The following GPR176 variants were observed in gnomAD, a reference collection of about 807,000 sequenced individuals.
GPR176 encodes the protein G-protein coupled receptor 176.
In GPR176, 26 loss-of-function variants were observed where a neutral mutation model predicts 35.4. That is an observed-to-expected ratio of 0.74 (90% CI 0.54 to 1.02). The LOEUF (loss-of-function observed/expected upper bound fraction) is 1.02, where lower values mean the gene tolerates loss of function less well. Ranked by LOEUF, GPR176 falls within the 50% of genes least tolerant of loss-of-function variation. The probability of loss-of-function intolerance (pLI) is 0.00; values close to 1 mark genes in which losing one functional copy is unlikely to be tolerated. For missense variants in GPR176, 597 were observed against 665.3 expected (o/e 0.90, Z 1.13); for synonymous variants, 278 against 271.3 (o/e 1.02, Z -0.24).
intron 1 of GPR176, among the ~76,000 whole-genome samples, chr15:39,914,147 A>T (rs2033661429): frequency 6.6e-6 from 1 of 152,186 alleles, no homozygotes; most frequent in Non-Finnish European, 1.5e-5. Context: ...AGCTTTTTTT[A>T]AATTTTCACC....
intron 1 of GPR176, among the ~76,000 whole-genome samples, chr15:39,823,791 G>A (rs1900436011): frequency 6.6e-6 from 1 of 152,188 alleles, no homozygotes; most frequent in African/African-American, 2.4e-5. Flanking sequence ...CCTTACAATA[G>A]ATGACAAGTC....
At chr15:39,914,515 A>G (rs1004815901) in intron 1 of GPR176, among the ~76,000 whole-genome samples, 3 of 151,974 alleles carry the variant, frequency 2.0e-5, no homozygotes, top group Non-Finnish European at 2.9e-5. Flanking sequence ...GGGTTTCACC[A>G]TGTTGGCCAG....
chr15:39,835,079 G>A (rs1022765281), intron 1 of GPR176, among the ~76,000 whole-genome samples: 2 of 152,002 alleles, frequency 1.3e-5, no homozygotes, highest in African/African-American at 4.8e-5. Flanking sequence ...GTGCAATGGT[G>A]CAATCTCAGC....
rs116299174 is a variant in GPR176 at position 39,887,440 on chromosome 15, C to T, written c.172+32415G>A. On this transcript the variant is annotated intron_variant, in intron 1 of 2. Transcript: ENST00000561100. ...CCACCACCCACATTTGCTGGAATGC[C>T]GCTGTGTAAAACAGCAGCATCATTC... 2.2e-3 allele frequency among the ~76,000 whole-genome samples: 342 copies of T among 152,198 alleles called. 3 individuals carry two copies. Among genetic ancestry groups the T allele is most frequent in the African/African-American group, 7.9e-3 (330 of 41,522 alleles).
intron 1 of GPR176, among the ~76,000 whole-genome samples, chr15:39,915,303 G>A (rs940082172): frequency 6.6e-6 from 1 of 152,094 alleles, no homozygotes; most frequent in African/African-American, 2.4e-5. Context: ...ATCCTCACAT[G>A]GTGCAAAGAA....
At chr15:39,853,199 A>G (rs1321041818) in intron 1 of GPR176, among the ~76,000 whole-genome samples, 6 of 152,194 alleles carry the variant, frequency 3.9e-5, no homozygotes, top group Admixed American at 3.3e-4. Context: ...GATAAAGAAA[A>G]CATGATATAT....
chr15:39,807,820 C>G (rs1425379413), intron 1 of GPR176, among the ~76,000 whole-genome samples: 1 of 152,190 alleles, frequency 6.6e-6, no homozygotes, highest in East Asian at 1.9e-4. Context: ...ACTAAGTCTT[C>G]AAAATGCAAT....
chr15:39,891,629 G>A (rs902384861), intron 1 of GPR176, among the ~76,000 whole-genome samples: 22 of 152,150 alleles, frequency 1.4e-4, no homozygotes, highest in Admixed American at 3.3e-4. Context: ...GTGCCACCAT[G>A]CCTGGCATGT....
intron 1 of GPR176, chr15:39,815,484 C>G (rs1385175418): frequency 1.3e-5 from 2 of 152,242 alleles, no homozygotes; most frequent in East Asian, 3.8e-4. Flanking sequence ...TCTCTCTCCT[C>G]CTTGCTGTCA....
At position 39,850,001 on chromosome 15, in the gene GPR176, G is replaced by T. The variant is rs181691235; in HGVS notation, c.173-42743C>A. Among the ~76,000 whole-genome samples the T allele has an allele frequency of 2.5e-3, 373 of 152,124 alleles. 3 individuals carry two copies. The highest frequency in any genetic ancestry group is 8.7e-3 in the African/African-American group (360 of 41,482). ...TACTGAAAGGCAATTGTAAATATTT[G>T]CATGTCTAAACATGGAAAAGGTATG... On this transcript the variant is annotated intron_variant, in intron 1 of 2. Coordinates refer to ENST00000561100, the MANE Select transcript of GPR176 (RefSeq NM_007223.3).
In GPR176 at chr15:39,837,107, T is replaced by C. The variant is rs902114114; in HGVS notation, c.173-29849A>G. Among the ~76,000 whole-genome samples, 3 of 152,278 alleles carry C rather than the reference T, an allele frequency of 2.0e-5. No individual in the cohort carries two copies. The South Asian group carries it at 6.2e-4, about 32-fold the overall frequency. On this transcript the variant is annotated intron_variant, in intron 1 of 2. Coordinates refer to ENST00000561100, the MANE Select transcript of GPR176 (RefSeq NM_007223.3). ...TCAGTCTAGGGAAGGACTTTCACAA[T>C]ATCCACTGCCTAATGGGAGTCTGGT... is the stretch of plus-strand genomic sequence containing the variant.
intron 1 of GPR176, among the ~76,000 whole-genome samples, chr15:39,811,858 G>A (rs1899585163): frequency 6.6e-6 from 1 of 151,754 alleles, no homozygotes; most frequent in Admixed American, 6.6e-5. Flanking sequence ...GGAGCTTGCA[G>A]TGAGCCGAGA....
intron 1 of GPR176, among the ~76,000 whole-genome samples, chr15:39,905,009 A>G (rs1374233819): frequency 6.6e-6 from 1 of 152,046 alleles, no homozygotes; most frequent in East Asian, 1.9e-4. Flanking sequence ...CCCCTCCTAC[A>G]ACTCCCTCCT....
chr15:39,817,828 C>T (rs1014069584), intron 1 of GPR176, among the ~76,000 whole-genome samples: 4 of 152,176 alleles, frequency 2.6e-5, no homozygotes, highest in South Asian at 2.1e-4. Context: ...AGTATGACGG[C>T]GGGTGGGGAA....
chr15:39,906,885 G>A (rs543706171), intron 1 of GPR176, among the ~76,000 whole-genome samples: 1 of 152,198 alleles, frequency 6.6e-6, no homozygotes, highest in East Asian at 1.9e-4. Context: ...CTATGCACCA[G>A]GCACTGTTCT....
Position 39,817,708 on chromosome 15 carries a change from G to C in GPR176, c.173-10450C>G, listed in dbSNP as rs371446969. Among the ~76,000 whole-genome samples, 9 of 152,202 alleles carry C rather than the reference G, an allele frequency of 5.9e-5. No individual in the cohort carries two copies. In the East Asian group the frequency reaches 9.6e-4, roughly 16 times the overall value. ...AGAAAGAGTAAGAGAGAGAGCAAGA[G>C]AGAGAGCGAGGGAAAGACAAGATAG... On this transcript the variant is annotated intron_variant, in intron 1 of 2. Transcript: ENST00000561100.
chr15:39,857,651 C>T (rs555922938), intron 1 of GPR176, among the ~76,000 whole-genome samples: 3 of 147,958 alleles, frequency 2.0e-5, no homozygotes, highest in South Asian at 4.3e-4. Flanking sequence ...GCCTGGGTGA[C>T]AAGGCAAGAC....
intron 1 of GPR176, among the ~76,000 whole-genome samples, chr15:39,884,969 T>C (rs922519356): frequency 2.6e-5 from 4 of 152,186 alleles, no homozygotes. Flanking sequence ...TGCCACAGGA[T>C]AAAGAACATT....
intron 1 of GPR176, among the ~76,000 whole-genome samples, chr15:39,810,436 T>C (rs1239356684): frequency 6.6e-6 from 1 of 152,224 alleles, no homozygotes; most frequent in African/African-American, 2.4e-5. Context: ...TAGCTTTGGT[T>C]GTCCTTTTAA....
Sources: allele counts gnomAD v4.1 joint callset (sites outside exome capture counted in the v4.1 genomes callset), GRCh38; gene constraint gnomAD v4.1.1; transcripts MANE v1.5; gene names NCBI Gene and HGNC (gene_info 2026-07-23, HGNC 2026-07-21).